The following ZNF532 variants were observed in gnomAD, a reference collection of about 807,000 sequenced individuals.
ZNF532 encodes the protein zinc finger protein 532.
ZNF532 carries 22 observed loss-of-function variants against 89.3 expected under a neutral mutation model. That is an observed-to-expected ratio of 0.25 (90% CI 0.18 to 0.35). The LOEUF is 0.35. Among genes scored for constraint, ZNF532 ranks in the 10% least tolerant of loss-of-function variants. ZNF532 has a pLI of 1.00. For synonymous variants in ZNF532, 606 were observed against 649.6 expected (o/e 0.93, Z 1.02); for missense variants, 1,132 against 1,643.4 (o/e 0.69, Z 5.38).
intron 2 of ZNF532, among the ~76,000 whole-genome samples, chr18:58,894,391 T>C (rs2059115042): frequency 6.7e-6 from 1 of 148,888 alleles, no homozygotes; most frequent in South Asian, 2.1e-4. Flanking sequence ...CGCTTGAACC[T>C]GAGGGGTGGA....
At chr18:58,880,479 G>A (rs2057791182) in intron 2 of ZNF532, among the ~76,000 whole-genome samples, 2 of 152,176 alleles carry the variant, frequency 1.3e-5, no homozygotes, top group African/African-American at 2.4e-5. Flanking sequence ...AACCTTTACC[G>A]TTCTTTAATA....
intron 2 of ZNF532, among the ~76,000 whole-genome samples, chr18:58,874,387 C>T (rs1226434505): frequency 6.6e-6 from 1 of 152,060 alleles, no homozygotes; most frequent in African/African-American, 2.4e-5. Flanking sequence ...TCTTGTTGCC[C>T]AGGTTGGAGT....
chr18:58,879,907 A>G (rs915116474), intron 2 of ZNF532, among the ~76,000 whole-genome samples: 2 of 152,152 alleles, frequency 1.3e-5, no homozygotes, highest in African/African-American at 4.8e-5. Context: ...TATTGTGAGA[A>G]AGGAACTTAC....
intron 5 of ZNF532, among the ~76,000 whole-genome samples, chr18:58,942,372 T>G: frequency 8.1e-6 from 1 of 123,224 alleles, no homozygotes; most frequent in South Asian, 3.1e-4. Context: ...CCTTCCTTCC[T>G]TCCTTCCTTC....
intron 7 of ZNF532, among the ~76,000 whole-genome samples, chr18:58,971,655 G>A (rs544904271): frequency 3.0e-4 from 45 of 152,290 alleles, no homozygotes; most frequent in African/African-American, 1.0e-3. Context: ...ACTAGAGCTG[G>A]TGTGGGAAAC....
intron 2 of ZNF532, among the ~76,000 whole-genome samples, chr18:58,900,855 A>G (rs1046288176): frequency 6.6e-6 from 1 of 152,176 alleles, no homozygotes; most frequent in Admixed American, 6.5e-5. Context: ...GAAACCCTGT[A>G]TCCTTTAGCC....
chr18:58,931,290 TA>T (rs2061944195), intron 3 of ZNF532, among the ~76,000 whole-genome samples: 1 of 152,178 alleles, frequency 6.6e-6, no homozygotes, highest in African/African-American at 2.4e-5. Context: ...AATTTTAAGA[TA>T]TATTTTAATT....
chr18:58,929,962 G>C (rs1055323285), intron 3 of ZNF532, among the ~76,000 whole-genome samples: 3 of 152,178 alleles, frequency 2.0e-5, no homozygotes, highest in African/African-American at 7.2e-5. Context: ...TTAATGAGGT[G>C]AGAGTAATTT....
chr18:58,942,920 T>A (rs371298240), intron 5 of ZNF532, among the ~76,000 whole-genome samples: 1 of 152,194 alleles, frequency 6.6e-6, no homozygotes, highest in South Asian at 2.1e-4. Flanking sequence ...CACCCGTTTT[T>A]CTTAGAGAAC....
At position 58,942,341 on chromosome 18, in the gene ZNF532, C is replaced by CCTT. The variant is rs1568382966; in HGVS notation, c.2705+2721_2705+2722insTTC. Among the ~76,000 whole-genome samples the CCTT allele has an allele frequency of 3.4e-3, 241 of 71,654 alleles. 7 individuals are homozygous for CCTT. The highest frequency in any genetic ancestry group is 0.013 in the Admixed American group (79 of 6,160). 47.0% of individuals were successfully genotyped at this position (71,654 alleles called of 152,430 possible). The stretch of plus-strand genomic sequence containing the variant: ...CTGGCCCCTCCCTCCCTCCCTCCCT[C>CCTT]CCTCCCTCCCTTCCTTCCTTCCTTC... On this transcript the variant is annotated intron_variant, in intron 5 of 9. Transcript: ENST00000591808.
Position 58,866,516 on chromosome 18 carries a change from G to A in ZNF532, c.-18+937G>A, listed in dbSNP as rs558712636. Among the ~76,000 whole-genome samples, 16 of 152,308 alleles carry A rather than the reference G, an allele frequency of 1.1e-4. No individual in the cohort carries two copies. The South Asian group carries it at 3.3e-3, about 32-fold the overall frequency. Reference sequence around the variant, plus strand: ...TGTGATCTCAACAACAGATAGAACTGGTCCTGCCTTTCTGCTGGTTTTTGG... The same window carrying A: ...TGTGATCTCAACAACAGATAGAACTAGTCCTGCCTTTCTGCTGGTTTTTGG... On this transcript the variant is annotated intron_variant, in intron 2 of 9. Transcript: ENST00000591808.
chr18:58,875,786 G>T (rs970952468), intron 2 of ZNF532, among the ~76,000 whole-genome samples: 1 of 152,096 alleles, frequency 6.6e-6, no homozygotes, highest in Admixed American at 6.6e-5. Context: ...GGCCAGCTTT[G>T]AAATTCTTTT....
At chr18:58,900,677 T>C (rs35679483) in intron 2 of ZNF532, among the ~76,000 whole-genome samples, 1 of 152,234 alleles carries the variant, frequency 6.6e-6, no homozygotes, top group Non-Finnish European at 1.5e-5. Context: ...CACCTTGGCT[T>C]TGACTCCATT....
intron 2 of ZNF532, among the ~76,000 whole-genome samples, chr18:58,909,660 A>G (rs1364826573): frequency 7.9e-5 from 12 of 152,322 alleles, no homozygotes; most frequent in Non-Finnish European, 1.2e-4. Context: ...CACAGGCAAC[A>G]TGAAAGATGA....
At chr18:58,976,029 G>A (rs1035342754) in intron 7 of ZNF532, among the ~76,000 whole-genome samples, 1 of 152,138 alleles carries the variant, frequency 6.6e-6, no homozygotes, top group African/African-American at 2.4e-5. Context: ...TAATATTGAG[G>A]AACAGAAGTT....
chr18:58,869,586 C>T (rs1467596116), intron 2 of ZNF532, among the ~76,000 whole-genome samples: 1 of 152,126 alleles, frequency 6.6e-6, no homozygotes, highest in Non-Finnish European at 1.5e-5. Flanking sequence ...TTATTAACTT[C>T]TGAATTATAA....
At chr18:58,969,355 A>G (rs182255356) in intron 7 of ZNF532, among the ~76,000 whole-genome samples, 281 of 152,312 alleles carry the variant, frequency 1.8e-3, no homozygotes, top group Middle Eastern at 6.8e-3. Context: ...AGGGAGGAAG[A>G]TGGGCTCCAC....
At chr18:58,936,418 A>T (rs1200312091) in intron 4 of ZNF532, among the ~76,000 whole-genome samples, 2 of 152,240 alleles carry the variant, frequency 1.3e-5, no homozygotes, top group Non-Finnish European at 2.9e-5. Context: ...AGTTTTTCTA[A>T]TAGAATGAAA....
chr18:58,943,559 T>G (rs1006265059), intron 5 of ZNF532, among the ~76,000 whole-genome samples: 7 of 151,850 alleles, frequency 4.6e-5, no homozygotes, highest in African/African-American at 1.7e-4. Flanking sequence ...AACTCCCTGG[T>G]TCAAGCGATT....
Sources: gnomAD v4.1 joint callset for allele counts (sites outside exome capture counted in the v4.1 genomes callset) on GRCh38, gnomAD v4.1.1 for gene constraint, MANE v1.5 for transcripts, NCBI Gene and HGNC (gene_info 2026-07-23, HGNC 2026-07-21) for gene names.